The following MYO9A variants were observed in gnomAD, a reference collection of about 807,000 sequenced individuals.
MYO9A encodes unconventional myosin-IXa.
A neutral mutation model predicts 293.3 loss-of-function variants in MYO9A; 103 were observed. The ratio of observed to expected loss-of-function variants is 0.35; its 90% CI spans 0.30 to 0.41. The LOEUF is 0.41. MYO9A is among the 10% of genes least tolerant of loss of function. The probability of loss-of-function intolerance (pLI) is 1.00; values close to 1 mark genes in which losing one functional copy is unlikely to be tolerated. For synonymous variants in MYO9A, 1,001 were observed against 1,035.7 expected, an observed-to-expected ratio of 0.97 and a Z score of 0.64; for missense variants, 2,685 against 3,033.0, an observed-to-expected ratio of 0.89 and a Z score of 2.69.
chr15:72,035,367 AC>A (rs1343973818), intron 2 of MYO9A, among the ~76,000 whole-genome samples: 1 of 144,366 alleles, frequency 6.9e-6, no homozygotes, highest in Admixed American at 7.2e-5. Context: ...CTTGAAAATA[AC>A]GAAATGTCCA....
At chr15:71,922,862 C>A (rs574447532) in intron 18 of MYO9A, among the ~76,000 whole-genome samples, 1 of 152,236 alleles carries the variant, frequency 6.6e-6, no homozygotes, top group East Asian at 1.9e-4. Context: ...TTTCCAATTT[C>A]TATGCCTTTT....
Position 71,898,029 on chromosome 15 carries a change from T to C in MYO9A, c.4474A>G (p.Lys1492Glu). The part of the protein sequence containing the change: ...SSNPVLKKLE[K>E]LNTEKEERQK... ...CTTTCTTCCTTCTCAGTGTTTAGCT[T>C]TTCTAACTTCTTAAGCACAGGATTA... is the stretch of plus-strand genomic sequence containing the variant. Residue 1492 changes from lysine to glutamate, a missense_variant, in exon 25 of 42, where the codon AAG becomes GAG. Lys to Glu is a moderately conservative substitution (Grantham distance 56). This residue lies in a region of MYO9A where 1,434 missense variants were observed against 1,497.7 expected (regional missense o/e 0.96). Coordinates refer to ENST00000356056, the MANE Select transcript of MYO9A (RefSeq NM_006901.4). 1 of 1,614,162 alleles carries C rather than the reference T, an allele frequency of 6.2e-7. No homozygotes were observed. Among genetic ancestry groups the C allele is most frequent in the South Asian group, 1.1e-5 (1 of 91,084 alleles).
intron 32 of MYO9A, among the ~76,000 whole-genome samples, chr15:71,862,946 G>A (rs997754864): frequency 1.4e-5 from 1 of 69,428 alleles, no homozygotes; most frequent in Non-Finnish European, 2.9e-5. Context: ...TTTTTTTTTT[G>A]AGACTTAGTC....
chr15:72,113,857 G>C (rs570431986), intron 1 of MYO9A, among the ~76,000 whole-genome samples: 1 of 152,242 alleles, frequency 6.6e-6, no homozygotes, highest in African/African-American at 2.4e-5. Flanking sequence ...GAAAATCCTA[G>C]GGAAAAGGAA....
chr15:72,008,542 T>C (rs1440908011), intron 7 of MYO9A, among the ~76,000 whole-genome samples: 1 of 151,178 alleles, frequency 6.6e-6, no homozygotes, highest in Non-Finnish European at 1.5e-5. Context: ...GTGGGGTATA[T>C]TAACCTCTAC....
At chr15:71,921,503 A>C (rs564380417) in intron 18 of MYO9A, among the ~76,000 whole-genome samples, 88 of 152,114 alleles carry the variant, frequency 5.8e-4, no homozygotes, top group South Asian at 1.7e-3. Context: ...TCCCTACCTA[A>C]CTCATCCCTA....
At chr15:72,008,292 T>G (rs999688445) in intron 7 of MYO9A, among the ~76,000 whole-genome samples, 1 of 152,208 alleles carries the variant, frequency 6.6e-6, no homozygotes, top group African/African-American at 2.4e-5. Context: ...TTTCCTACAC[T>G]GTTTCAGATA....
intron 18 of MYO9A, among the ~76,000 whole-genome samples, chr15:71,928,299 G>A (rs1025835998): frequency 3.3e-5 from 5 of 149,942 alleles, no homozygotes; most frequent in African/African-American, 1.2e-4. Context: ...GGATAGTCTC[G>A]ATCTCCTGAC....
chr15:71,843,980 G>T (rs555332899), intron 39 of MYO9A, among the ~76,000 whole-genome samples: 6 of 152,156 alleles, frequency 3.9e-5, no homozygotes, highest in Non-Finnish European at 8.8e-5. Context: ...CTTAGAGTTT[G>T]CTTCAAAACA....
At chr15:72,015,278 A>G (rs2077297936) in intron 6 of MYO9A, among the ~76,000 whole-genome samples, 1 of 152,210 alleles carries the variant, frequency 6.6e-6, no homozygotes, top group Non-Finnish European at 1.5e-5. Flanking sequence ...ACAAACTTAC[A>G]AACTGACAGA....
chr15:71,850,403 G>A (rs1387128511), intron 37 of MYO9A, among the ~76,000 whole-genome samples: 6 of 152,112 alleles, frequency 3.9e-5, no homozygotes, highest in Non-Finnish European at 5.9e-5. Context: ...TAGGTCAGCC[G>A]ATAGCTTCCC....
chr15:71,936,874 A>G (rs899723396), intron 16 of MYO9A, among the ~76,000 whole-genome samples: 1 of 151,996 alleles, frequency 6.6e-6, no homozygotes. Context: ...ACTGCACTTA[A>G]GATGGTTTGT....
intron 8 of MYO9A, among the ~76,000 whole-genome samples, chr15:72,002,206 C>T (rs1029602743): frequency 1.3e-5 from 2 of 151,900 alleles, no homozygotes; most frequent in African/African-American, 4.8e-5. Context: ...CCACTGCATC[C>T]CAGCCTGGAG....
intron 1 of MYO9A, among the ~76,000 whole-genome samples, chr15:72,067,527 C>T (rs907055989): frequency 2.6e-5 from 4 of 152,088 alleles, no homozygotes; most frequent in Admixed American, 2.6e-4. Flanking sequence ...GTGATCCACC[C>T]GCCTCAGCCT....
chr15:72,039,423 C>T (rs970741772), intron 2 of MYO9A, among the ~76,000 whole-genome samples: 1 of 151,690 alleles, frequency 6.6e-6, no homozygotes, highest in African/African-American at 2.4e-5. Context: ...TTTTCAGTGT[C>T]TTTAAAATTT....
chr15:72,067,720 C>A (rs931485876), intron 1 of MYO9A, among the ~76,000 whole-genome samples: 2 of 152,142 alleles, frequency 1.3e-5, no homozygotes, highest in African/African-American at 2.4e-5. Context: ...TCTCTCCCTC[C>A]ACAAGACATA....
chr15:71,856,449 G>T (rs912247466), intron 34 of MYO9A, among the ~76,000 whole-genome samples: 3 of 151,858 alleles, frequency 2.0e-5, no homozygotes, highest in Admixed American at 2.0e-4. Flanking sequence ...AACAACTAAT[G>T]ATCTTGAAAA....
At chr15:72,114,191 T>C (rs1239827471) in intron 1 of MYO9A, 4 of 152,154 alleles carry the variant, frequency 2.6e-5, no homozygotes, top group Non-Finnish European at 5.9e-5. Context: ...AAGCACTTCA[T>C]TACTTAAGGT....
At chr15:72,023,326 A>G (rs2077559579) in intron 4 of MYO9A, among the ~76,000 whole-genome samples, 1 of 152,188 alleles carries the variant, frequency 6.6e-6, no homozygotes. Context: ...GGACACCATT[A>G]AAAAGACTCC....
Sources: allele counts gnomAD v4.1 joint callset (sites outside exome capture counted in the v4.1 genomes callset), GRCh38; gene constraint gnomAD v4.1.1; regional missense constraint gnomAD v4.1.1; transcripts MANE v1.5; gene names NCBI Gene and HGNC (gene_info 2026-07-23, HGNC 2026-07-21).